The following DENR variants were observed in gnomAD, a reference collection of about 807,000 sequenced individuals.
The protein encoded by DENR is density-regulated protein.
DENR carries 6 observed loss-of-function variants against 30.6 expected under a neutral mutation model. That is an observed-to-expected ratio of 0.20 (90% CI 0.11 to 0.39). The LOEUF is 0.39. DENR is among the 10% of genes least tolerant of loss of function. The pLI is 1.00. For synonymous variants in DENR, 78 were observed against 72.1 expected (o/e 1.08, Z -0.41); for missense variants, 141 against 230.9 (o/e 0.61, Z 2.52).
chr12:122,762,857 A>G lies in DENR; in HGVS notation c.139A>G (p.Met47Val). The change falls in exon 4 of 8, where the codon ATG becomes GTG. Residue 47 changes from methionine (M) to valine (V), a missense_variant. Physicochemically the swap from Met to Val is conservative, Grantham distance 21. Transcript: ENST00000280557. ...CSLPTEYCEY[M>V]PDVAKCRQWL... The stretch of plus-strand genomic sequence containing the variant: ...TTTTTTCTCCTAGTACTGTGAATAT[A>G]TGCCTGATGTTGCTAAATGTAGACA... 6.5e-7 allele frequency: 1 copy of G among 1,545,440 alleles called. No homozygotes were observed. The highest frequency in any genetic ancestry group is 8.7e-7 in the Non-Finnish European group (1 of 1,144,312).
chr12:122,767,856 G>A (rs1207511063), intron 6 of DENR, among the ~76,000 whole-genome samples: 1 of 152,152 alleles, frequency 6.6e-6, no homozygotes, highest in African/African-American at 2.4e-5. Flanking sequence ...GGATGAGGAC[G>A]GCTGGGTAGG....
chr12:122,762,094 C>A, intron 2 of DENR, 93 bp from the exon 3 acceptor site: 3 of 810,062 alleles, frequency 3.7e-6, no homozygotes, highest in Non-Finnish European at 3.6e-6. Flanking sequence ...AAAAATGAAG[C>A]ATTTTCTCAA....
intron 2 of DENR, among the ~76,000 whole-genome samples, chr12:122,760,685 A>G (rs1258033774): frequency 2.0e-5 from 3 of 152,102 alleles, no homozygotes; most frequent in Admixed American, 1.3e-4. Context: ...GAGCCGAGAT[A>G]GTGCTACTGC....
Position 122,770,454 on chromosome 12 carries a change from G to A in DENR, c.*1376G>A, listed in dbSNP as rs1337999916. On this transcript the variant is annotated 3_prime_UTR_variant, in exon 8 of 8. Coordinates refer to ENST00000280557, the MANE Select transcript of DENR (RefSeq NM_003677.5). Reference sequence around the variant, plus strand: ...TCTGCTCTGAGTGGAAGGCCGTTCAGAGAGGCTAGAGGTTCTTATTCTGGC... The same window carrying A: ...TCTGCTCTGAGTGGAAGGCCGTTCAAAGAGGCTAGAGGTTCTTATTCTGGC... The A allele has an allele frequency of 2.5e-4, 98 of 395,920 alleles. No homozygotes were observed. Among genetic ancestry groups the A allele is most frequent in the Non-Finnish European group, 2.1e-4 (48 of 224,980 alleles). 24.5% of individuals were successfully genotyped at this position (395,920 alleles called of 1,614,324 possible).
In DENR at chr12:122,770,670, A is replaced by C. The variant is rs1002543368; in HGVS notation, c.*1592A>C. 3 of 398,424 alleles carry C rather than the reference A, an allele frequency of 7.5e-6. No homozygotes were observed. The highest frequency in any genetic ancestry group is 6.2e-5 in the African/African-American group (3 of 48,622). 24.7% of individuals were successfully genotyped at this position (398,424 alleles called of 1,614,324 possible). A position where few individuals can be genotyped will look rare whatever the true frequency, so the allele number is the denominator to read the frequency against. ...TTGGAAAGAAGACTTGTGGTGTTTTAAGTTGCTGTGGACACTTTTAAGAAA... is the reference window on the plus strand; with the variant it reads ...TTGGAAAGAAGACTTGTGGTGTTTTCAGTTGCTGTGGACACTTTTAAGAAA... On this transcript the variant is annotated 3_prime_UTR_variant, in exon 8 of 8. Transcript: ENST00000280557.
chr12:122,769,569 C>T lies in DENR; in HGVS notation c.*491C>T, dbSNP rs564933801. 110 of 771,286 alleles carry T rather than the reference C, an allele frequency of 1.4e-4. No individual in the cohort carries two copies. Among genetic ancestry groups the T allele is most frequent in the African/African-American group, 1.1e-3 (55 of 51,724 alleles). 47.8% of individuals were successfully genotyped at this position (771,286 alleles called of 1,614,324 possible). On this transcript the variant is annotated 3_prime_UTR_variant, in exon 8 of 8. Transcript: ENST00000280557. ...TTGCCTGGGCTGGAATGCAGTGGTG[C>T]GATCTCGGCTCACTGCAACCTCCGC...
chr12:122,769,353 G>C lies in DENR; in HGVS notation c.*275G>C. The C allele has an allele frequency of 1.0e-6, 1 of 985,934 alleles. No individual in the cohort carries two copies. The highest frequency in any genetic ancestry group is 1.2e-6 in the Non-Finnish European group (1 of 834,280). The allele number at this position is 985,934 out of a possible 1,614,324, so 61.1% of individuals were successfully genotyped here. On this transcript the variant is annotated 3_prime_UTR_variant, in exon 8 of 8. Coordinates refer to ENST00000280557, the MANE Select transcript of DENR (RefSeq NM_003677.5). ...ATATTCTACAGTAAAACTGTAGACT[G>C]TCCTCGTCCTTGGCATTTTCACTGT...
chr12:122,763,128 G>A (rs376596324), intron 4 of DENR, 199 bp downstream of exon 4: 40 of 470,136 alleles, frequency 8.5e-5, no homozygotes, highest in African/African-American at 2.8e-4. Context: ...TGGGCCGGGC[G>A]CAGTGGCTCA....
chr12:122,766,981 C>A (rs1025830528), intron 5 of DENR, among the ~76,000 whole-genome samples: 4 of 152,160 alleles, frequency 2.6e-5, no homozygotes, highest in African/African-American at 9.7e-5. Context: ...GTGAAGTTCC[C>A]AAATATAACG....
rs1348594714 is a variant in DENR at position 122,765,450 on chromosome 12, GTAAT to G, written c.295+67_295+70del. 9.1e-6 allele frequency: 13 copies of G among 1,425,212 alleles called. No individual in the cohort carries two copies. In the African/African-American group the frequency reaches 1.9e-4, roughly 21 times the overall value. 88.3% of individuals were successfully genotyped at this position (1,425,212 alleles called of 1,614,324 possible). On this transcript the variant is annotated intron_variant, in intron 5 of 7. Coordinates refer to ENST00000280557, the MANE Select transcript of DENR (RefSeq NM_003677.5). ...ACCGTCACTGCGATAGAAAATGTAA[GTAAT>G]TAAAATGGTTCCCAAAGCTAGGCAC...
In DENR at chr12:122,769,570, G is replaced by GAT. The variant is rs1206392593; in HGVS notation, c.*493_*494dup. The GAT allele has an allele frequency of 2.6e-6, 2 of 770,610 alleles. No individual in the cohort carries two copies. Among genetic ancestry groups the GAT allele is most frequent in the Non-Finnish European group, 3.2e-6 (2 of 621,690 alleles). 47.7% of individuals were successfully genotyped at this position (770,610 alleles called of 1,614,324 possible). Reference sequence around the variant, plus strand: ...TGCCTGGGCTGGAATGCAGTGGTGCGATCTCGGCTCACTGCAACCTCCGCC... The same window carrying GAT: ...TGCCTGGGCTGGAATGCAGTGGTGCGATATCTCGGCTCACTGCAACCTCCGCC... On this transcript the variant is annotated 3_prime_UTR_variant, in exon 8 of 8. Transcript: ENST00000280557.
rs1483515306 is a variant in DENR at position 122,769,175 on chromosome 12, T to C, written c.*97T>C. 4.3e-6 allele frequency: 5 copies of C among 1,149,758 alleles called. No homozygotes were observed. Among genetic ancestry groups the C allele is most frequent in the South Asian group, 2.2e-5 (1 of 44,912 alleles). 71.2% of individuals were successfully genotyped at this position (1,149,758 alleles called of 1,614,324 possible). Reference sequence around the variant, plus strand: ...AAATATATATATATATACACATATATATGTATATATACACATATATGTATG... The same window carrying C: ...AAATATATATATATATACACATATACATGTATATATACACATATATGTATG... On this transcript the variant is annotated 3_prime_UTR_variant, in exon 8 of 8. Coordinates refer to ENST00000280557, the MANE Select transcript of DENR (RefSeq NM_003677.5).
intron 5 of DENR, among the ~76,000 whole-genome samples, chr12:122,766,041 T>C (rs1296974072): frequency 6.6e-6 from 1 of 151,772 alleles, no homozygotes; most frequent in Non-Finnish European, 1.5e-5. Context: ...TTTTAGGACT[T>C]TGCATCTTCA....
intron 2 of DENR, among the ~76,000 whole-genome samples, chr12:122,758,945 A>G (rs1878624310): frequency 6.6e-6 from 1 of 151,808 alleles, no homozygotes; most frequent in African/African-American, 2.4e-5. Flanking sequence ...CCCAGGATCA[A>G]GCGATTCTCC....
chr12:122,762,416 C>T (rs2135510700), intron 3 of DENR, among the ~76,000 whole-genome samples: 1 of 152,236 alleles, frequency 6.6e-6, no homozygotes, highest in Non-Finnish European at 1.5e-5. Flanking sequence ...GCATCTTTTG[C>T]ACATGGCTGT....
At chr12:122,764,219 T>G (rs1432796234) in intron 4 of DENR, among the ~76,000 whole-genome samples, 2 of 152,154 alleles carry the variant, frequency 1.3e-5, no homozygotes, top group Non-Finnish European at 2.9e-5. Flanking sequence ...TGCTCTTAGT[T>G]AGATGATGAG....
chr12:122,769,207 CATATACACATGTAT>C lies in DENR; in HGVS notation c.*137_*150del. 1 of 869,104 alleles carries C rather than the reference CATATACACATGTAT, an allele frequency of 1.2e-6. No individual in the cohort carries two copies. 53.8% of individuals were successfully genotyped at this position (869,104 alleles called of 1,614,324 possible). A position where few individuals can be genotyped will look rare whatever the true frequency, so the allele number is the denominator to read the frequency against. On this transcript the variant is annotated 3_prime_UTR_variant, in exon 8 of 8. Coordinates refer to ENST00000280557, the MANE Select transcript of DENR (RefSeq NM_003677.5). ...ATATACACATATATGTATGTATACACATATACACATGTATATATACATGTGTGTATGTATACATG... is the reference window on the plus strand; with the variant it reads ...ATATACACATATATGTATGTATACACATATACATGTGTGTATGTATACATG...
chr12:122,767,817 G>A (rs1036322457), intron 6 of DENR, among the ~76,000 whole-genome samples: 1 of 152,126 alleles, frequency 6.6e-6, no homozygotes, highest in Admixed American at 6.5e-5. Flanking sequence ...TTTACTTTCT[G>A]GAATTCCTGC....
chr12:122,763,203 CA>C (rs1186416989), intron 4 of DENR: 1 of 237,836 alleles, frequency 4.2e-6, no homozygotes, highest in African/African-American at 2.4e-5. Context: ...AGATCAAGAT[CA>C]TCTTGGCTAA....
Sources: allele counts gnomAD v4.1 joint callset (sites outside exome capture counted in the v4.1 genomes callset), GRCh38; gene constraint gnomAD v4.1.1; transcripts MANE v1.5; gene names NCBI Gene and HGNC (gene_info 2026-07-23, HGNC 2026-07-21).